The following MYO16 variants were observed in gnomAD, a reference collection of about 807,000 sequenced individuals.
MYO16 encodes unconventional myosin-XVI.
A neutral mutation model predicts 205.3 loss-of-function variants in MYO16; 94 were observed. That is an observed-to-expected ratio of 0.46 (90% confidence interval 0.39 to 0.54). MYO16 has a LOEUF of 0.54. Ranked by LOEUF, MYO16 falls within the 20% of genes least tolerant of loss-of-function variation. The probability of loss-of-function intolerance (pLI) is 0.00; values close to 1 mark genes in which losing one functional copy is unlikely to be tolerated. For missense variants in MYO16, 2,315 were observed against 2,387.5 expected (o/e 0.97, Z 0.63); for synonymous variants, 988 against 954.0 (o/e 1.04, Z -0.66).
At chr13:109,170,526 A>T (rs1206526416) in intron 33 of MYO16, among the ~76,000 whole-genome samples, 1 of 151,054 alleles carries the variant, frequency 6.6e-6, no homozygotes, top group African/African-American at 2.5e-5. Flanking sequence ...TGTGGTTGTT[A>T]CAATTCTGCA....
Position 109,140,384 on chromosome 13 carries a change from C to G in MYO16, c.4172C>G (p.Ser1391Cys). Residue 1391 changes from serine (S) to cysteine (C), a missense_variant, in exon 32 of 35, where the codon TCC becomes TGC. Physicochemically the swap from Ser to Cys is moderately radical, Grantham distance 112. This residue lies in a region of MYO16 where 1,097 missense variants were observed against 1,092.0 expected (regional missense o/e 1.00). Transcript: ENST00000457511. This position sits in a 1 kb window ranked among gnomAD's most constrained non-coding sequence, Gnocchi z 8.0. ...LSGSYEEISG[S>C]RPGDARPAGA... ...GGCTCCTACGAGGAGATATCGGGGT[C>G]CCGGCCCGGGGACGCGAGGCCCGCG... is the stretch of plus-strand genomic sequence containing the variant. 6.3e-7 allele frequency: 1 copy of G among 1,598,438 alleles called. No homozygotes were observed. Among genetic ancestry groups the G allele is most frequent in the Non-Finnish European group, 8.5e-7 (1 of 1,177,314 alleles).
intron 21 of MYO16, 76 bp from the exon 22 acceptor site, chr13:109,008,821 C>T (rs1885495418): frequency 2.4e-6 from 2 of 828,178 alleles, no homozygotes; most frequent in Non-Finnish European, 3.7e-6. Context: ...CTTGTGTATG[C>T]ACTACTGTAC....
intron 23 of MYO16, among the ~76,000 whole-genome samples, chr13:109,041,485 A>G (rs919936076): frequency 6.6e-6 from 1 of 152,236 alleles, no homozygotes; most frequent in Non-Finnish European, 1.5e-5. Flanking sequence ...TCCTTAAAGC[A>G]TGTTACACAT....
chr13:108,813,083 C>A lies in MYO16; in HGVS notation c.867+6279C>A. On this transcript the variant is annotated intron_variant, in intron 7 of 34. Transcript: ENST00000457511. ...AAGGAGACTGAGGAGGGGTTGGACA[C>A]GGGCAGAGGAGGATTATGAGATTTG... 1.3e-5 allele frequency among the ~76,000 whole-genome samples: 2 copies of A among 151,974 alleles called. 1 individual carries two copies. Among genetic ancestry groups the A allele is most frequent in the Middle Eastern group, 6.8e-3 (2 of 294 alleles).
In MYO16 at chr13:109,016,808, A is replaced by G. The variant is rs192406299; in HGVS notation, c.2596-2903A>G. 2.6e-4 allele frequency among the ~76,000 whole-genome samples: 39 copies of G among 150,618 alleles called. No individual in the cohort carries two copies. The Middle Eastern group carries it at 0.014, about 53-fold the overall frequency. On this transcript the variant is annotated intron_variant, in intron 22 of 34. Coordinates refer to ENST00000457511, the MANE Select transcript of MYO16 (RefSeq NM_001198950.3). The stretch of plus-strand genomic sequence containing the variant: ...GCTGCTTTTTTTGTTGTTGTTTTCC[A>G]TTTGCTTGGTAGATCTTCCTCCATC...
intron 27 of MYO16, among the ~76,000 whole-genome samples, chr13:109,097,541 T>A (rs951438051): frequency 6.6e-6 from 1 of 152,088 alleles, no homozygotes; most frequent in African/African-American, 2.4e-5. Context: ...TAAAATAAAA[T>A]AAAACACACA....
At chr13:109,154,875 G>C (rs1215823528) in intron 32 of MYO16, among the ~76,000 whole-genome samples, 2 of 128,502 alleles carry the variant, frequency 1.6e-5, no homozygotes, top group African/African-American at 2.9e-5. Context: ...GGCCAAGCAG[G>C]CATGTTGTTT....
At chr13:108,694,512 T>G (rs1038109608) in intron 2 of MYO16, among the ~76,000 whole-genome samples, 1 of 152,206 alleles carries the variant, frequency 6.6e-6, no homozygotes, top group Non-Finnish European at 1.5e-5. Context: ...GTCTTGTTGG[T>G]CGTTTTTATC....
At chr13:108,577,197 C>A in the MYO16 span, among the ~76,000 whole-genome samples, 1 of 152,146 alleles carries the variant, frequency 6.6e-6, no homozygotes, top group Non-Finnish European at 1.5e-5. Context: ...AAGAGCTATA[C>A]AAAAATGAAT....
intron 1 of MYO16, among the ~76,000 whole-genome samples, chr13:108,597,966 G>A (rs9583266): frequency 0.2 from 29,837 of 152,112 alleles, 2,961 homozygotes; most frequent in Middle Eastern, 0.24. Context: ...TATTGCAAGT[G>A]AGAAGTTGCC....
chr13:108,614,672 T>C (rs181461910), intron 1 of MYO16, among the ~76,000 whole-genome samples: 27 of 152,214 alleles, frequency 1.8e-4, no homozygotes, highest in African/African-American at 4.3e-4. Context: ...TAAACACTTA[T>C]ATTTATGATC....
At chr13:109,089,504 C>A (rs939509508) in intron 27 of MYO16, among the ~76,000 whole-genome samples, 1 of 152,056 alleles carries the variant, frequency 6.6e-6, no homozygotes, top group Non-Finnish European at 1.5e-5. Context: ...CATGAGCCAC[C>A]GCACCTGGCT....
chr13:109,133,340 G>C (rs1010421262), intron 31 of MYO16, among the ~76,000 whole-genome samples: 1 of 152,192 alleles, frequency 6.6e-6, no homozygotes, highest in African/African-American at 2.4e-5. Context: ...CGCAGACACT[G>C]TTTATTTTGG....
intron 16 of MYO16, among the ~76,000 whole-genome samples, chr13:108,955,174 C>T (rs779758058): frequency 2.6e-5 from 4 of 152,220 alleles, no homozygotes; most frequent in Non-Finnish European, 4.4e-5. Flanking sequence ...TGTCACCTTA[C>T]CTGTGTCGTC....
chr13:108,686,905 T>A (rs1882700256), intron 2 of MYO16, among the ~76,000 whole-genome samples: 1 of 152,006 alleles, frequency 6.6e-6, no homozygotes, highest in Admixed American at 6.6e-5. Flanking sequence ...AAGGCATGGG[T>A]CATGGGTGGT....
intron 16 of MYO16, among the ~76,000 whole-genome samples, chr13:108,911,551 G>C (rs183546663): frequency 5.9e-5 from 9 of 152,280 alleles, no homozygotes; most frequent in Admixed American, 2.0e-4. Context: ...TCAGATTAGA[G>C]TTGTATGGGA....
At chr13:109,053,799 G>A (rs1406357682) in intron 25 of MYO16, among the ~76,000 whole-genome samples, 1 of 151,986 alleles carries the variant, frequency 6.6e-6, no homozygotes, top group African/African-American at 2.4e-5. Context: ...AGGAAAATAG[G>A]ATTTTCCCTA....
At chr13:108,505,955 G>A in the MYO16 span, among the ~76,000 whole-genome samples, 1 of 151,622 alleles carries the variant, frequency 6.6e-6, no homozygotes, top group Admixed American at 6.6e-5. Flanking sequence ...CACTTTTGTT[G>A]AGGATCATTT....
intron 16 of MYO16, among the ~76,000 whole-genome samples, chr13:108,951,718 G>C (rs933331460): frequency 6.6e-6 from 1 of 152,206 alleles, no homozygotes; most frequent in Non-Finnish European, 1.5e-5. Flanking sequence ...GATGTAGACA[G>C]ATTTCTGGTG....
Sources: gnomAD v4.1 joint callset for allele counts (sites outside exome capture counted in the v4.1 genomes callset) on GRCh38, gnomAD v4.1.1 for gene constraint, gnomAD v4.1.1 regional missense constraint, Gnocchi (gnomAD v3.1) non-coding constraint, MANE v1.5 for transcripts, NCBI Gene and HGNC (gene_info 2026-07-23, HGNC 2026-07-21) for gene names.